ZNF521: variants seen among roughly 807,000 people sequenced by gnomAD.
ZNF521 encodes LYST-interacting protein 3.
ZNF521 carries 14 observed loss-of-function variants against 105.5 expected under a neutral mutation model. The observed-to-expected ratio is 0.13, with a 90% CI of 0.09 to 0.21. The LOEUF (loss-of-function observed/expected upper bound fraction) is 0.21, where lower values mean the gene tolerates loss of function less well. Ranked by LOEUF, ZNF521 falls within the 10% of genes least tolerant of loss-of-function variation. The probability of loss-of-function intolerance (pLI) is 1.00; values close to 1 mark genes in which losing one functional copy is unlikely to be tolerated. For synonymous variants in ZNF521, 635 were observed against 606.0 expected, an observed-to-expected ratio of 1.05 and a Z score of -0.70; for missense variants, 1,233 against 1,629.7, an observed-to-expected ratio of 0.76 and a Z score of 4.19.
chr18:25,092,523 G>C (rs2033767546), intron 5 of ZNF521, among the ~76,000 whole-genome samples: 1 of 152,196 alleles, frequency 6.6e-6, no homozygotes, highest in Admixed American at 6.5e-5. Flanking sequence ...GTGGTATTCA[G>C]TTGATACAGA....
At chr18:25,198,495 A>G (rs1387145046) in intron 4 of ZNF521, among the ~76,000 whole-genome samples, 1 of 151,838 alleles carries the variant, frequency 6.6e-6, no homozygotes, top group African/African-American at 2.4e-5. Context: ...TTAAAAAGTA[A>G]TTTAAAATAA....
Position 25,201,470 on chromosome 18 carries a change from G to A in ZNF521, c.3574-6226C>T, listed in dbSNP as rs545736305. 9 of 152,244 alleles carry A rather than the reference G, an allele frequency of 5.9e-5. No homozygotes were observed. In the East Asian group the frequency reaches 1.4e-3, roughly 23 times the overall value. 9.4% of individuals were successfully genotyped at this position (152,244 alleles called of 1,614,324 possible). ...TGGCTTTAGCCTTAATAACCATGTG[G>A]TTTTCTTATTTGGTTTCTGGATCTC... is the stretch of plus-strand genomic sequence containing the variant. On this transcript the variant is annotated intron_variant, in intron 4 of 7. Coordinates refer to ENST00000361524, the MANE Select transcript of ZNF521 (RefSeq NM_015461.3).
chr18:25,269,304 C>A (rs146723929), intron 3 of ZNF521, among the ~76,000 whole-genome samples: 3,830 of 152,164 alleles, frequency 0.025, 146 homozygotes, highest in African/African-American at 0.085. Context: ...TCTTAGAGAC[C>A]TACAAAGAGA....
intron 5 of ZNF521, among the ~76,000 whole-genome samples, chr18:25,148,400 T>C (rs1211189314): frequency 1.3e-5 from 2 of 152,224 alleles, no homozygotes. Context: ...TATTCACATC[T>C]GTCATCTATT....
intron 2 of ZNF521, among the ~76,000 whole-genome samples, chr18:25,338,507 G>A (rs1242514359): frequency 1.3e-5 from 2 of 151,938 alleles, no homozygotes; most frequent in African/African-American, 4.8e-5. Flanking sequence ...CCACCTCCCA[G>A]GCTCAAGTGA....
intron 6 of ZNF521, 122 bp downstream of exon 6, chr18:25,091,828 C>T: frequency 3.3e-6 from 4 of 1,207,120 alleles, no homozygotes; most frequent in Non-Finnish European, 4.5e-6. Context: ...AAACATCTTC[C>T]CCCCAAATTG....
At chr18:25,332,192 A>G (rs1913612493) in intron 2 of ZNF521, among the ~76,000 whole-genome samples, 1 of 152,038 alleles carries the variant, frequency 6.6e-6, no homozygotes, top group Non-Finnish European at 1.5e-5. Context: ...TAAGTGGAAA[A>G]GTCTACATTT....
intron 5 of ZNF521, among the ~76,000 whole-genome samples, chr18:25,128,596 C>T (rs1206355346): frequency 6.6e-6 from 1 of 151,938 alleles, no homozygotes; most frequent in Non-Finnish European, 1.5e-5. Flanking sequence ...AACTAATAAG[C>T]AATTACAGCA....
At chr18:25,175,949 T>C (rs2035528588) in intron 5 of ZNF521, among the ~76,000 whole-genome samples, 5 of 152,236 alleles carry the variant, frequency 3.3e-5, no homozygotes, top group Admixed American at 3.3e-4. Flanking sequence ...ACATTTATGA[T>C]ACCATTCCTG....
chr18:25,191,454 C>T (rs1411622894), intron 5 of ZNF521, among the ~76,000 whole-genome samples: 1 of 152,130 alleles, frequency 6.6e-6, no homozygotes. Context: ...GGTTGTCTAC[C>T]ACCAGCCGCT....
At chr18:25,273,414 A>G (rs1233866549) in intron 3 of ZNF521, 1 of 152,046 alleles carries the variant, frequency 6.6e-6, no homozygotes, top group East Asian at 1.9e-4. Context: ...ACGATCATCA[A>G]TGTCAGTAGC....
chr18:25,063,607 T>C (rs1278019557), intron 7 of ZNF521, among the ~76,000 whole-genome samples: 1 of 152,166 alleles, frequency 6.6e-6, no homozygotes, highest in Non-Finnish European at 1.5e-5. Context: ...GAGCTGAACC[T>C]CTGGTCATTC....
intron 2 of ZNF521, among the ~76,000 whole-genome samples, chr18:25,331,295 T>C (rs73947310): frequency 0.033 from 4,953 of 150,550 alleles, 269 homozygotes; most frequent in African/African-American, 0.11. Context: ...AATTTCTCGA[T>C]AGTAAAGCAA....
At chr18:25,255,779 CT>C (rs1638575313) in intron 3 of ZNF521, among the ~76,000 whole-genome samples, 1 of 151,788 alleles carries the variant, frequency 6.6e-6, no homozygotes, top group Admixed American at 6.6e-5. Context: ...AGCAATGCCA[CT>C]TCTGGACATA....
At chr18:25,326,057 G>C (rs1189197026) in intron 2 of ZNF521, among the ~76,000 whole-genome samples, 1 of 152,176 alleles carries the variant, frequency 6.6e-6, no homozygotes, top group East Asian at 1.9e-4. Flanking sequence ...TGTGGGATCA[G>C]TTTAAGGCCA....
chr18:25,351,148 CACG>C, intron 1 of ZNF521: 1 of 161,126 alleles, frequency 6.2e-6, no homozygotes, highest in Non-Finnish European at 1.3e-5. Flanking sequence ...CCGCGCTCTG[CACG>C]ACGGCGGCGG....
At chr18:25,263,600 G>T (rs915162225) in intron 3 of ZNF521, among the ~76,000 whole-genome samples, 2 of 151,618 alleles carry the variant, frequency 1.3e-5, no homozygotes, top group Non-Finnish European at 2.9e-5. Flanking sequence ...TTTTGGAACA[G>T]AGTCTCGCTC....
chr18:25,344,085 C>T (rs1358480571), intron 2 of ZNF521, among the ~76,000 whole-genome samples: 1 of 151,784 alleles, frequency 6.6e-6, no homozygotes. Flanking sequence ...TTAAAGAATT[C>T]ATATCTTACT....
chr18:25,311,864 T>C (rs1313348801), intron 3 of ZNF521, among the ~76,000 whole-genome samples: 1 of 151,896 alleles, frequency 6.6e-6, no homozygotes, highest in Non-Finnish European at 1.5e-5. Context: ...TCTTCTTGAA[T>C]TCTATTCATT....
Sources: gnomAD v4.1 joint callset for allele counts (sites outside exome capture counted in the v4.1 genomes callset) on GRCh38, gnomAD v4.1.1 for gene constraint, MANE v1.5 for transcripts, NCBI Gene and HGNC (gene_info 2026-07-23, HGNC 2026-07-21) for gene names.